The following EFR3B variants were observed in gnomAD, a reference collection of about 807,000 sequenced individuals.
The protein encoded by EFR3B is EFR3 homolog B.
In EFR3B, 64 loss-of-function variants were observed where a neutral mutation model predicts 104.7. That is an observed-to-expected ratio of 0.61 (90% CI 0.50 to 0.75). The LOEUF is 0.75. Ranked by LOEUF, EFR3B falls within the 30% of genes least tolerant of loss-of-function variation. The probability of loss-of-function intolerance (pLI) is 0.00; values close to 1 mark genes in which losing one functional copy is unlikely to be tolerated. For missense variants in EFR3B, 750 were observed against 1,078.5 expected (o/e 0.70, Z 4.27); for synonymous variants, 385 against 417.9 (o/e 0.92, Z 0.96).
At chr2:25,116,400 G>A (rs1314091077) in intron 4 of EFR3B, among the ~76,000 whole-genome samples, 8 of 152,200 alleles carry the variant, frequency 5.3e-5, no homozygotes. Context: ...AAGGCAGGCA[G>A]ATTGCTTGAG....
chr2:25,113,465 G>A (rs113528845), intron 4 of EFR3B, among the ~76,000 whole-genome samples: 5 of 152,006 alleles, frequency 3.3e-5, no homozygotes, highest in Non-Finnish European at 7.4e-5. Context: ...TCAGCAGATC[G>A]AGACCATCCT....
intron 1 of EFR3B, among the ~76,000 whole-genome samples, chr2:25,052,390 C>T (rs559209554): frequency 1.3e-5 from 2 of 151,876 alleles, no homozygotes; most frequent in South Asian, 4.1e-4. Flanking sequence ...TTTGTAACTT[C>T]TTACTCACTC....
chr2:25,105,216 A>G (rs562504024), intron 4 of EFR3B, among the ~76,000 whole-genome samples: 6 of 152,218 alleles, frequency 3.9e-5, no homozygotes, highest in African/African-American at 1.4e-4. Flanking sequence ...GCAGTGGCAC[A>G]ATCTCGGCTC....
intron 4 of EFR3B, 93 bp downstream of exon 4, chr2:25,103,880 C>A (rs983322662): frequency 2.1e-6 from 3 of 1,459,372 alleles, no homozygotes; most frequent in South Asian, 1.4e-5. Context: ...CTGTCATGTT[C>A]TGTTCCTTCT....
intron 1 of EFR3B, among the ~76,000 whole-genome samples, chr2:25,050,601 G>C (rs1050315219): frequency 6.6e-6 from 1 of 152,042 alleles, no homozygotes; most frequent in African/African-American, 2.4e-5. Flanking sequence ...AAGAAGATTT[G>C]AGGCATATGT....
chr2:25,053,394 T>A (rs762350805), intron 1 of EFR3B, among the ~76,000 whole-genome samples: 1 of 152,016 alleles, frequency 6.6e-6, no homozygotes, highest in African/African-American at 2.4e-5. Context: ...GCACCGACAA[T>A]GGCCTGGAAA....
At chr2:25,068,919 G>A (rs1158815991) in intron 1 of EFR3B, among the ~76,000 whole-genome samples, 5 of 143,150 alleles carry the variant, frequency 3.5e-5, no homozygotes, top group Non-Finnish European at 6.0e-5. Context: ...GTGAGCCACC[G>A]CGCCCGGCAT....
chr2:25,098,626 G>A (rs546851861), intron 3 of EFR3B, among the ~76,000 whole-genome samples: 39 of 152,100 alleles, frequency 2.6e-4, no homozygotes, highest in Non-Finnish European at 4.6e-4. Flanking sequence ...CATTGACTTC[G>A]AATTATGTAA....
chr2:25,070,984 G>A (rs1486566356), intron 1 of EFR3B, among the ~76,000 whole-genome samples: 8 of 152,036 alleles, frequency 5.3e-5, no homozygotes, highest in African/African-American at 1.7e-4. Flanking sequence ...TTTTTGAGAC[G>A]GAGTCTCGCT....
intron 4 of EFR3B, among the ~76,000 whole-genome samples, chr2:25,107,825 C>G (rs1322480362): frequency 7.0e-6 from 1 of 142,424 alleles, no homozygotes; most frequent in African/African-American, 2.6e-5. Flanking sequence ...TTTTTTTTTA[C>G]TTCTTGTTCT....
intron 1 of EFR3B, among the ~76,000 whole-genome samples, chr2:25,069,477 G>A (rs1032438211): frequency 1.4e-4 from 21 of 152,284 alleles, no homozygotes; most frequent in South Asian, 4.1e-4. Flanking sequence ...GAATTCAAGG[G>A]CAAGCTAGTG....
rs5829961 is a variant in EFR3B at position 25,124,277 on chromosome 2, AGTGTGTGTGTGTGTGTGTGTGTGTGT to A, written c.485+2513_485+2538del. Among the ~76,000 whole-genome samples the A allele has an allele frequency of 2.2e-4, 28 of 124,892 alleles. No homozygotes were observed. In the East Asian group the frequency reaches 2.9e-3, roughly 13 times the overall value. The allele number at this position is 124,892 out of a possible 152,430, so 81.9% of individuals were successfully genotyped here. A position where few individuals can be genotyped will look rare whatever the true frequency, so the allele number is the denominator to read the frequency against. Reference sequence around the variant, plus strand: ...GTCCAGCAGTGGGCCTGTGCATGCAAGTGTGTGTGTGTGTGTGTGTGTGTGTGTGTGTGTGTGTGTGTGTGTGTGTG... The same window carrying A: ...GTCCAGCAGTGGGCCTGTGCATGCAAGTGTGTGTGTGTGTGTGTGTGTGTG... On this transcript the variant is annotated intron_variant, in intron 5 of 22. Coordinates refer to ENST00000403714, the MANE Select transcript of EFR3B (RefSeq NM_014971.2).
intron 1 of EFR3B, among the ~76,000 whole-genome samples, chr2:25,065,053 T>C (rs1040287255): frequency 1.3e-5 from 2 of 151,512 alleles, no homozygotes; most frequent in Non-Finnish European, 1.5e-5. Context: ...AGAAGCAGCC[T>C]GCATCCCTCA....
Position 25,158,671 on chromosome 2 carries a change from G to A in EFR3B, c.*4331G>A, listed in dbSNP as rs1232746228. The A allele has an allele frequency of 6.6e-6, 1 of 152,206 alleles. No individual in the cohort carries two copies. The highest frequency in any genetic ancestry group is 1.9e-4 in the East Asian group (1 of 5,186). 9.4% of individuals were successfully genotyped at this position (152,206 alleles called of 1,614,324 possible). On this transcript the variant is annotated 3_prime_UTR_variant, in exon 23 of 23. Transcript: ENST00000403714. ...TCTGTGCTCCCTTTAGCCCCAGCCT[G>A]GCTGGCCAGGTCTCCTGTACTTCAG... is the stretch of plus-strand genomic sequence containing the variant.
intron 1 of EFR3B, among the ~76,000 whole-genome samples, chr2:25,068,749 C>T (rs1357017597): frequency 1.3e-5 from 2 of 150,804 alleles, no homozygotes; most frequent in East Asian, 3.9e-4. Flanking sequence ...TCTGCCTTAG[C>T]CTCCAGAGTA....
chr2:25,130,563 A>G lies in EFR3B; in HGVS notation c.782A>G (p.Asn261Ser). 6.4e-7 allele frequency: 1 copy of G among 1,551,700 alleles called. No individual in the cohort carries two copies. The highest frequency in any genetic ancestry group is 8.7e-7 in the Non-Finnish European group (1 of 1,146,982). ...AIKPVLIHLD[N>S]HSLWEPKVFA... is the part of the protein sequence containing the mutation. ...TTTCTCCCTCACAGCCATCTGGATA[A>G]CCATTCTCTTTGGGAACCCAAGGTG... The change falls in exon 8 of 23, where the codon AAC becomes AGC. Residue 261 changes from asparagine (N) to serine (S), a missense_variant. Physicochemically the swap from Asn to Ser is conservative, Grantham distance 46. Coordinates refer to ENST00000403714, the MANE Select transcript of EFR3B (RefSeq NM_014971.2). The surrounding 1 kb of genome is among the most constrained non-coding windows in gnomAD (Gnocchi z 4.6).
Position 25,136,145 on chromosome 2 carries a change from C to T in EFR3B, c.1485-378C>T, listed in dbSNP as rs899209498. Among the ~76,000 whole-genome samples the T allele has an allele frequency of 6.6e-6, 1 of 152,028 alleles. No individual in the cohort carries two copies. Among genetic ancestry groups the T allele is most frequent in the South Asian group, 2.1e-4 (1 of 4,814 alleles). On this transcript the variant is annotated intron_variant, in intron 13 of 22. Transcript: ENST00000403714. This position sits in a 1 kb window ranked among gnomAD's most constrained non-coding sequence, Gnocchi z 4.0. ...AGCCAGGGCAACATAGTGAGACCCC[C>T]ATCTCTACAAGAAAATTTAAAAATT... is the stretch of plus-strand genomic sequence containing the variant.
rs1670320788 is a variant in EFR3B at position 25,131,254 on chromosome 2, G to T, written c.850-114G>T. The T allele has an allele frequency of 7.2e-7, 1 of 1,397,030 alleles. No homozygotes were observed. Among genetic ancestry groups the T allele is most frequent in the Non-Finnish European group, 9.6e-7 (1 of 1,044,810 alleles). 86.5% of individuals were successfully genotyped at this position (1,397,030 alleles called of 1,614,324 possible). A position where few individuals can be genotyped will look rare whatever the true frequency, so the allele number is the denominator to read the frequency against. On this transcript the variant is annotated intron_variant, in intron 8 of 22. Transcript: ENST00000403714. The surrounding 1 kb of genome is among the most constrained non-coding windows in gnomAD (Gnocchi z 7.6). The stretch of plus-strand genomic sequence containing the variant: ...GTGTCAGTGCCAACTGCAGTGCCCG[G>T]GGCCTTGGAACGTCCCTTTAGTTTA...
At chr2:25,135,745 C>A in intron 13 of EFR3B, 106 bp downstream of exon 13, 1 of 1,308,530 alleles carries the variant, frequency 7.6e-7, no homozygotes, top group Non-Finnish European at 1.0e-6. Flanking sequence ...ACCTCAGTAT[C>A]TGAGTATTGT....
Sources: allele counts gnomAD v4.1 joint callset (sites outside exome capture counted in the v4.1 genomes callset), GRCh38; gene constraint gnomAD v4.1.1; non-coding constraint Gnocchi (gnomAD v3.1); transcripts MANE v1.5; gene names NCBI Gene and HGNC (gene_info 2026-07-23, HGNC 2026-07-21).